Variants in SLC28A1 observed in about 807,000 individuals in gnomAD.
SLC28A1 encodes sodium/nucleoside cotransporter 1.
In SLC28A1, 64 loss-of-function variants were observed where a neutral mutation model predicts 74.8. The observed-to-expected ratio is 0.86, with a 90% CI of 0.70 to 1.05. The LOEUF is 1.05. SLC28A1 is among the 50% of genes least tolerant of loss of function. SLC28A1 has a pLI of 0.00. For synonymous variants in SLC28A1, 359 were observed against 335.0 expected (o/e 1.07, Z -0.78); for missense variants, 828 against 822.8 (o/e 1.01, Z -0.08).
chr15:84,886,852 T>G, intron 2 of SLC28A1, 65 bp downstream of exon 2: 5 of 817,490 alleles, frequency 6.1e-6, no homozygotes, highest in Non-Finnish European at 7.4e-6. Context: ...GCCAGGGCAT[T>G]CCCAGGCTCT....
the SLC28A1 span, among the ~76,000 whole-genome samples, chr15:84,962,684 T>C: frequency 2.0e-5 from 3 of 151,964 alleles, no homozygotes; most frequent in Non-Finnish European, 2.9e-5. Context: ...GGATTACAGA[T>C]GTGAGTCACT....
the SLC28A1 span, among the ~76,000 whole-genome samples, chr15:84,957,176 A>G: frequency 6.6e-6 from 1 of 152,172 alleles, no homozygotes. Context: ...TGTACAGCCC[A>G]TCACCAGAAT....
chr15:84,891,580 T>A (rs949496540), intron 5 of SLC28A1, among the ~76,000 whole-genome samples: 3 of 152,080 alleles, frequency 2.0e-5, no homozygotes, highest in African/African-American at 7.2e-5. Context: ...CAGAAGGGGT[T>A]GGCGGCAGCC....
the SLC28A1 span, among the ~76,000 whole-genome samples, chr15:84,954,005 A>G: frequency 3.3e-5 from 5 of 152,190 alleles, no homozygotes; most frequent in East Asian, 9.6e-4. Flanking sequence ...GTCTTCCTGC[A>G]CTGTGACCTC....
At chr15:84,906,617 CCTTCCTTCCCTCCT>C (rs1967284109) in intron 8 of SLC28A1, among the ~76,000 whole-genome samples, 1 of 142,608 alleles carries the variant, frequency 7.0e-6, no homozygotes, top group Admixed American at 7.2e-5. Context: ...TTCCTTCCTT[CCTTCCTTCCCTCCT>C]TCCTTTCTTC....
downstream of SLC28A1, among the ~76,000 whole-genome samples, chr15:84,946,432 T>TA (rs2079233348): frequency 1.3e-5 from 2 of 152,008 alleles, no homozygotes; most frequent in Non-Finnish European, 2.9e-5. Context: ...ACTCAATCCT[T>TA]ACAACAACTT....
At chr15:84,961,700 A>G in the SLC28A1 span, 1 of 324,206 alleles carries the variant, frequency 3.1e-6, no homozygotes, top group Non-Finnish European at 6.1e-6. Context: ...CGGCAGCATC[A>G]TTTAATGACA....
At chr15:84,966,998 C>T in the SLC28A1 span, among the ~76,000 whole-genome samples, 1 of 152,148 alleles carries the variant, frequency 6.6e-6, no homozygotes, top group Non-Finnish European at 1.5e-5. Flanking sequence ...CCAGGTTGGT[C>T]TTGAACTGCT....
At chr15:84,957,775 T>G in the SLC28A1 span, among the ~76,000 whole-genome samples, 18,393 of 152,186 alleles carry the variant, frequency 0.12, 1,804 homozygotes, top group African/African-American at 0.27. Flanking sequence ...GTTATTCTTT[T>G]TAAAGATTGT....
At chr15:84,967,079 C>A in the SLC28A1 span, among the ~76,000 whole-genome samples, 1 of 152,148 alleles carries the variant, frequency 6.6e-6, no homozygotes, top group African/African-American at 2.4e-5. Flanking sequence ...CCATACCCAG[C>A]CCTTCTATGT....
At chr15:84,923,105 T>C (rs915778140) in intron 11 of SLC28A1, among the ~76,000 whole-genome samples, 2 of 152,150 alleles carry the variant, frequency 1.3e-5, no homozygotes, top group African/African-American at 4.8e-5. Context: ...GCCCGGCTAA[T>C]TTTTGTATTT....
chr15:84,972,200 A>G, the SLC28A1 span, among the ~76,000 whole-genome samples: 3 of 151,980 alleles, frequency 2.0e-5, no homozygotes, highest in Non-Finnish European at 4.4e-5. Flanking sequence ...CAGTACTTCC[A>G]CTGGCCAGAC....
chr15:84,900,032 G>A (rs1966485588), intron 6 of SLC28A1, among the ~76,000 whole-genome samples: 1 of 152,068 alleles, frequency 6.6e-6, no homozygotes, highest in Admixed American at 6.6e-5. Flanking sequence ...AAGCAAGCCT[G>A]CCGGCCAGGT....
downstream of SLC28A1, among the ~76,000 whole-genome samples, chr15:84,948,777 A>C (rs2079316518): frequency 6.6e-6 from 1 of 152,214 alleles, no homozygotes; most frequent in Admixed American, 6.5e-5. Context: ...CTTGAAATCA[A>C]GCAGTCATTC....
chr15:84,959,724 G>A, the SLC28A1 span, among the ~76,000 whole-genome samples: 5 of 152,086 alleles, frequency 3.3e-5, no homozygotes, highest in South Asian at 6.2e-4. Flanking sequence ...CATTTCCTGT[G>A]TCTCTGAGAA....
chr15:84,895,888 C>G (rs1367516970), intron 6 of SLC28A1: 2 of 1,025,828 alleles, frequency 1.9e-6, no homozygotes, highest in Non-Finnish European at 2.3e-6. Context: ...TGCAGGGGTA[C>G]AGGGGTGCCT....
At chr15:84,935,256 G>A (rs1252344635) in intron 14 of SLC28A1, 62 bp downstream of exon 14, 5 of 1,611,984 alleles carry the variant, frequency 3.1e-6, no homozygotes, top group Middle Eastern at 3.3e-4. Flanking sequence ...GTGGTGAGTG[G>A]TGGCTGGAGA....
the SLC28A1 span, among the ~76,000 whole-genome samples, chr15:84,955,254 C>A: frequency 6.6e-6 from 1 of 152,122 alleles, no homozygotes; most frequent in African/African-American, 2.4e-5. Context: ...CCTTTGGTGC[C>A]CATCTAAATT....
chr15:84,965,903 A>AG, the SLC28A1 span, among the ~76,000 whole-genome samples: 81 of 117,802 alleles, frequency 6.9e-4, 1 homozygote, highest in East Asian at 5.8e-3. Flanking sequence ...GGAGGCGGGG[A>AG]GGGGGGGGAA....
Sources: allele counts gnomAD v4.1 joint callset (sites outside exome capture counted in the v4.1 genomes callset), GRCh38; gene constraint gnomAD v4.1.1; transcripts MANE v1.5; gene names NCBI Gene and HGNC (gene_info 2026-07-23, HGNC 2026-07-21).